The following RBP2 variants were observed in gnomAD, a reference collection of about 807,000 sequenced individuals.
RBP2 encodes retinol-binding protein 2.
Under a neutral mutation model 17.0 loss-of-function variants are expected in RBP2, and 17 were observed. The ratio of observed to expected loss-of-function variants is 1.00; its 90% CI spans 0.68 to 1.50. The LOEUF is 1.50. RBP2 is among the 40% of genes most tolerant of loss of function. The pLI is 0.00. For missense variants in RBP2, 158 were observed against 168.2 expected (o/e 0.94, Z 0.33); for synonymous variants, 48 against 57.1 (o/e 0.84, Z 0.72).
chr3:139,474,141 T>A (rs547821460), intron 1 of RBP2, among the ~76,000 whole-genome samples: 1 of 152,222 alleles, frequency 6.6e-6, no homozygotes, highest in African/African-American at 2.4e-5. Flanking sequence ...AAATATTTGA[T>A]GCCAAGGAGC....
At chr3:139,453,288 C>A (rs1318705637) in intron 3 of RBP2, 122 bp from the exon 4 acceptor site, 1 of 1,032,032 alleles carries the variant, frequency 9.7e-7, no homozygotes, top group South Asian at 1.3e-5. Flanking sequence ...GTATTCTGGG[C>A]AAAGTGCATC....
At chr3:139,453,606 G>A (rs1484223766) in intron 3 of RBP2, among the ~76,000 whole-genome samples, 1 of 152,248 alleles carries the variant, frequency 6.6e-6, no homozygotes, top group Non-Finnish European at 1.5e-5. Context: ...GGCTGGTGGT[G>A]GCGCAGGTAC....
In RBP2 at chr3:139,454,771, G is replaced by T. The variant is rs751507189; in HGVS notation, c.312C>A (p.Asn104Lys). Residue 104 changes from asparagine to lysine, a missense_variant, in exon 3 of 4, where the codon AAC becomes AAA. Physicochemically the swap from Asn to Lys is moderately conservative, Grantham distance 94 (BLOSUM62 0). Coordinates refer to ENST00000232217, the MANE Select transcript of RBP2 (RefSeq NM_004164.3). The part of the protein sequence containing the change: ...LVCVQKGEKE[N>K]RGWKQWIEGD... ...CCTCAATCCACTGCTTCCAGCCGCG[G>T]TTCTCCTTCTCCCCCTTTTGCACAC... is the stretch of plus-strand genomic sequence containing the variant. 16 of 1,614,062 alleles carry T rather than the reference G, an allele frequency of 9.9e-6. No individual in the cohort carries two copies. The Admixed American group carries it at 1.3e-4, about 13-fold the overall frequency.
chr3:139,463,388 A>G (rs971876947), intron 1 of RBP2, among the ~76,000 whole-genome samples: 11 of 152,004 alleles, frequency 7.2e-5, no homozygotes. Context: ...GGTTTTCACC[A>G]TTTTAGCCAG....
At chr3:139,453,717 C>A (rs1317114350) in intron 3 of RBP2, among the ~76,000 whole-genome samples, 1 of 152,202 alleles carries the variant, frequency 6.6e-6, no homozygotes, top group Non-Finnish European at 1.5e-5. Context: ...CCTTATTTGA[C>A]CCTCACTGAT....
At chr3:139,462,383 G>T (rs1933219353) in intron 1 of RBP2, 93 bp from the exon 2 acceptor site, 1 of 1,320,272 alleles carries the variant, frequency 7.6e-7, no homozygotes, top group Non-Finnish European at 1.1e-6. Context: ...TAGAGACACA[G>T]ATTGTGTGTA....
chr3:139,468,739 C>A (rs558699919), intron 1 of RBP2, among the ~76,000 whole-genome samples: 1 of 152,092 alleles, frequency 6.6e-6, no homozygotes, highest in Non-Finnish European at 1.5e-5. Flanking sequence ...AATTATTTTC[C>A]TGGTATGGTA....
chr3:139,473,606 T>C (rs1002024590), intron 1 of RBP2, among the ~76,000 whole-genome samples: 2 of 152,248 alleles, frequency 1.3e-5, no homozygotes, highest in African/African-American at 4.8e-5. Context: ...GCAAGCTTCG[T>C]TGACATCTCA....
intron 2 of RBP2, among the ~76,000 whole-genome samples, chr3:139,459,355 C>T (rs567448121): frequency 6.0e-5 from 9 of 149,236 alleles, no homozygotes; most frequent in Middle Eastern, 3.6e-3. Flanking sequence ...CAGGAGTTCA[C>T]GACCAGCCTG....
chr3:139,458,315 TCCTC>T (rs1212640667), intron 2 of RBP2, among the ~76,000 whole-genome samples: 1 of 152,120 alleles, frequency 6.6e-6, no homozygotes. Context: ...GCAGGGCCCT[TCCTC>T]TGGCAGCGCC....
At chr3:139,453,518 T>C (rs1290050192) in intron 3 of RBP2, among the ~76,000 whole-genome samples, 1 of 152,164 alleles carries the variant, frequency 6.6e-6, no homozygotes, top group African/African-American at 2.4e-5. Flanking sequence ...GTTTGGAAGG[T>C]AGGGGCCTGA....
intron 2 of RBP2, among the ~76,000 whole-genome samples, chr3:139,455,462 C>A (rs913243779): frequency 1.3e-5 from 2 of 152,150 alleles, no homozygotes; most frequent in Admixed American, 6.5e-5. Context: ...TTTGATAATA[C>A]ACTGAATTGG....
intron 1 of RBP2, among the ~76,000 whole-genome samples, chr3:139,465,215 T>G (rs1053605969): frequency 1.3e-5 from 2 of 152,112 alleles, no homozygotes; most frequent in Non-Finnish European, 2.9e-5. Flanking sequence ...TGGGGATACA[T>G]AGTGAACTGA....
chr3:139,464,079 T>C (rs923923970), intron 1 of RBP2, among the ~76,000 whole-genome samples: 2 of 152,202 alleles, frequency 1.3e-5, no homozygotes, highest in Admixed American at 1.3e-4. Context: ...AGTTTGGAGA[T>C]TGACGACTCT....
chr3:139,461,761 AG>A (rs1933197938), intron 2 of RBP2, among the ~76,000 whole-genome samples: 1 of 152,202 alleles, frequency 6.6e-6, no homozygotes, highest in Admixed American at 6.5e-5. Flanking sequence ...GGCACTGGGC[AG>A]GGCTGCCACC....
chr3:139,459,777 T>G (rs1382213247), intron 2 of RBP2, among the ~76,000 whole-genome samples: 1 of 151,618 alleles, frequency 6.6e-6, no homozygotes, highest in Non-Finnish European at 1.5e-5. Context: ...GGCCCATTGT[T>G]GGAGGCTGGG....
chr3:139,470,549 A>C (rs1410838938), intron 1 of RBP2, among the ~76,000 whole-genome samples: 1 of 151,872 alleles, frequency 6.6e-6, no homozygotes, highest in Non-Finnish European at 1.5e-5. Flanking sequence ...TTGTCTTCCC[A>C]GCATAAGGCT....
intron 1 of RBP2, among the ~76,000 whole-genome samples, chr3:139,464,615 T>G (rs1195597504): frequency 6.6e-6 from 1 of 152,124 alleles, no homozygotes; most frequent in African/African-American, 2.4e-5. Flanking sequence ...TTGTATAAAG[T>G]CAGATTTGAG....
At chr3:139,462,947 T>C (rs566775349) in intron 1 of RBP2, among the ~76,000 whole-genome samples, 5 of 151,948 alleles carry the variant, frequency 3.3e-5, no homozygotes, top group Non-Finnish European at 5.9e-5. Context: ...GATCCTCCCA[T>C]TTCAGCCTCC....
Sources: allele counts gnomAD v4.1 joint callset (sites outside exome capture counted in the v4.1 genomes callset), GRCh38; gene constraint gnomAD v4.1.1; transcripts MANE v1.5; gene names NCBI Gene and HGNC (gene_info 2026-07-23, HGNC 2026-07-21).